The following JAKMIP2 variants were observed in gnomAD, a reference collection of about 807,000 sequenced individuals.
JAKMIP2 encodes the protein janus kinase and microtubule-interacting protein 2.
Under a neutral mutation model 115.0 loss-of-function variants are expected in JAKMIP2, and 25 were observed. The ratio of observed to expected loss-of-function variants is 0.22; its 90% confidence interval spans 0.16 to 0.30. The LOEUF (loss-of-function observed/expected upper bound fraction) is 0.30. JAKMIP2 is among the 10% of genes least tolerant of loss of function. JAKMIP2 has a pLI of 1.00. For synonymous variants in JAKMIP2, 334 were observed against 343.6 expected, an observed-to-expected ratio of 0.97 and a Z score of 0.31; for missense variants, 642 against 957.6, an observed-to-expected ratio of 0.67 and a Z score of 4.35.
chr5:147,646,527 C>T (rs543592063), intron 5 of JAKMIP2, among the ~76,000 whole-genome samples: 8 of 151,952 alleles, frequency 5.3e-5, no homozygotes, highest in African/African-American at 1.2e-4. Flanking sequence ...ACATCAATAA[C>T]CATAGTCCCA....
Position 147,661,136 on chromosome 5 carries a change from T to G in JAKMIP2, c.439A>C (p.Thr147Pro). The G allele has an allele frequency of 6.2e-7, 1 of 1,614,080 alleles. No homozygotes were observed. The highest frequency in any genetic ancestry group is 1.1e-5 in the South Asian group (1 of 91,070). The change falls in exon 3 of 22, where the codon ACA becomes CCA. Residue 147 changes from threonine to proline, a missense_variant. Thr to Pro is a conservative substitution (Grantham distance 38). Coordinates refer to ENST00000616793, the MANE Select transcript of JAKMIP2 (RefSeq NM_001270941.2). Reference sequence around the variant, plus strand: ...TCCTGTAAGAGCTTAAGGCGCTCTGTGTCAAACAGTTTCCGGGCCTCCTCC... The same window carrying G: ...TCCTGTAAGAGCTTAAGGCGCTCTGGGTCAAACAGTTTCCGGGCCTCCTCC... ...AREEARKLFD[T>P]ERLKLLQEIA...
At position 147,731,230 on chromosome 5, in the gene JAKMIP2, G is replaced by A. The variant is rs143350292; in HGVS notation, c.-149+51226C>T. ...GTTTGACCATAAAAGGCACTGCTTG[G>A]AATTTTTAGAAAAAGAAATCATGAA... On this transcript the variant is annotated intron_variant, in intron 1 of 21. Coordinates refer to ENST00000616793, the MANE Select transcript of JAKMIP2 (RefSeq NM_001270941.2). Among the ~76,000 whole-genome samples the A allele has an allele frequency of 6.1e-4, 93 of 152,220 alleles. No individual in the cohort carries two copies. In the East Asian group the frequency reaches 0.013, roughly 22 times the overall value.
intron 10 of JAKMIP2, among the ~76,000 whole-genome samples, chr5:147,639,317 C>A (rs550951494): frequency 1.3e-5 from 2 of 152,228 alleles, no homozygotes; most frequent in East Asian, 1.9e-4. Context: ...TAAAAAAGTT[C>A]TTTTTCTAAG....
chr5:147,654,161 C>T (rs960266791), intron 3 of JAKMIP2, among the ~76,000 whole-genome samples: 3 of 150,688 alleles, frequency 2.0e-5, no homozygotes, highest in African/African-American at 7.3e-5. Flanking sequence ...TCCAGCTCTG[C>T]TCTTTTTGCT....
chr5:147,601,735 T>A lies in JAKMIP2; in HGVS notation c.*20+6A>T, dbSNP rs1010878097. On this transcript the variant is annotated splice_donor_region_variant and intron_variant, in intron 21 of 21. Transcript: ENST00000616793. ...ACCACATTTTGAGAATTAAATGGAATCTTACCTTTAAGAGGCACCTTGACA... is the reference window on the plus strand; with the variant it reads ...ACCACATTTTGAGAATTAAATGGAAACTTACCTTTAAGAGGCACCTTGACA... 18 of 1,519,788 alleles carry A rather than the reference T, an allele frequency of 1.2e-5. No homozygotes were observed. Among genetic ancestry groups the A allele is most frequent in the Non-Finnish European group, 1.5e-5 (17 of 1,131,940 alleles). The allele number at this position is 1,519,788 out of a possible 1,614,324, so 94.1% of individuals were successfully genotyped here.
chr5:147,636,131 C>T, intron 12 of JAKMIP2, 91 bp downstream of exon 12: 1 of 1,028,768 alleles, frequency 9.7e-7, no homozygotes, highest in South Asian at 1.4e-5. Flanking sequence ...CTTCCCCTGG[C>T]CCCTGTGCCA....
chr5:147,702,700 AAAG>A (rs970450244), intron 1 of JAKMIP2, among the ~76,000 whole-genome samples: 16 of 139,790 alleles, frequency 1.1e-4, no homozygotes, highest in East Asian at 4.1e-4. Flanking sequence ...AAAGAAAAGA[AAAG>A]AAAAAAAAAG....
chr5:147,676,981 A>T (rs1427620923), intron 1 of JAKMIP2, among the ~76,000 whole-genome samples: 2 of 152,230 alleles, frequency 1.3e-5, no homozygotes, highest in Non-Finnish European at 2.9e-5. Context: ...TGATGTAGTA[A>T]TTGGCACATG....
chr5:147,753,177 A>G (rs1754622128), intron 1 of JAKMIP2, among the ~76,000 whole-genome samples: 1 of 152,132 alleles, frequency 6.6e-6, no homozygotes, highest in African/African-American at 2.4e-5. Flanking sequence ...CCAGCACCTG[A>G]CTCATAGTAG....
At chr5:147,606,782 A>C (rs1354527046) in intron 20 of JAKMIP2, among the ~76,000 whole-genome samples, 1 of 152,144 alleles carries the variant, frequency 6.6e-6, no homozygotes, top group South Asian at 2.1e-4. Context: ...CAGTATGGCC[A>C]TTTTCATGAT....
intron 17 of JAKMIP2, among the ~76,000 whole-genome samples, chr5:147,621,698 A>C (rs1756855014): frequency 6.6e-6 from 1 of 152,208 alleles, no homozygotes; most frequent in African/African-American, 2.4e-5. Context: ...ATGCTTTGAC[A>C]TTGGAGCCTA....
chr5:147,734,310 T>C (rs1008512509), intron 1 of JAKMIP2, among the ~76,000 whole-genome samples: 1 of 152,122 alleles, frequency 6.6e-6, no homozygotes, highest in Non-Finnish European at 1.5e-5. Flanking sequence ...CACCATGGAA[T>C]GCTATGCAGC....
At chr5:147,743,227 C>A (rs1002731506) in intron 1 of JAKMIP2, among the ~76,000 whole-genome samples, 1 of 152,130 alleles carries the variant, frequency 6.6e-6, no homozygotes, top group African/African-American at 2.4e-5. Flanking sequence ...GGCTGTCTGA[C>A]CTGAGACAAA....
intron 1 of JAKMIP2, among the ~76,000 whole-genome samples, chr5:147,683,303 C>A (rs1760396455): frequency 6.6e-6 from 1 of 152,130 alleles, no homozygotes; most frequent in Non-Finnish European, 1.5e-5. Flanking sequence ...ACCAGCCTGG[C>A]CAACATAGTG....
chr5:147,682,220 T>A (rs17107147), intron 1 of JAKMIP2, among the ~76,000 whole-genome samples: 2,833 of 152,180 alleles, frequency 0.019, 91 homozygotes, highest in African/African-American at 0.065. Flanking sequence ...TGGAGAGACA[T>A]ACTGGCAAAA....
intron 1 of JAKMIP2, among the ~76,000 whole-genome samples, chr5:147,729,617 C>CA (rs1753649484): frequency 1.3e-5 from 2 of 151,592 alleles, no homozygotes; most frequent in South Asian, 2.1e-4. Context: ...ACTAGAAATA[C>CA]AAAAAAATTA....
At chr5:147,662,128 T>C (rs536435236) in intron 2 of JAKMIP2, 5 of 151,244 alleles carry the variant, frequency 3.3e-5, no homozygotes, top group African/African-American at 1.2e-4. Flanking sequence ...CTTACCTTTC[T>C]TAGTATGGCA....
intron 1 of JAKMIP2, among the ~76,000 whole-genome samples, chr5:147,700,018 G>C (rs757447704): frequency 2.6e-5 from 4 of 152,204 alleles, no homozygotes; most frequent in African/African-American, 7.2e-5. Flanking sequence ...TGAAAGGCCA[G>C]TGCTCCCAAT....
intron 1 of JAKMIP2, among the ~76,000 whole-genome samples, chr5:147,700,628 T>G (rs572336108): frequency 6.6e-6 from 1 of 152,284 alleles, no homozygotes; most frequent in African/African-American, 2.4e-5. Flanking sequence ...GCTGTGTATT[T>G]GTTTCCCCAT....
Sources: allele counts gnomAD v4.1 joint callset (sites outside exome capture counted in the v4.1 genomes callset), GRCh38; gene constraint gnomAD v4.1.1; transcripts MANE v1.5; gene names NCBI Gene and HGNC (gene_info 2026-07-23, HGNC 2026-07-21).